Variants in FAM228B observed in about 807,000 individuals in gnomAD.
FAM228B encodes family with sequence similarity 228 member B.
A neutral mutation model predicts 42.6 loss-of-function variants in FAM228B; 38 were observed. That is an observed-to-expected ratio of 0.89 (90% CI 0.69 to 1.17). FAM228B has a LOEUF of 1.17. FAM228B is among the 50% of genes most tolerant of loss of function. The pLI, the probability that FAM228B is intolerant of heterozygous loss-of-function variation, is 0.00. For missense variants in FAM228B, 344 were observed against 367.3 expected (o/e 0.94, Z 0.52); for synonymous variants, 109 against 122.3 (o/e 0.89, Z 0.72).
At chr2:24,146,546 G>A (rs924479414) in intron 5 of FAM228B, among the ~76,000 whole-genome samples, 11 of 152,224 alleles carry the variant, frequency 7.2e-5, no homozygotes, top group African/African-American at 2.4e-4. Flanking sequence ...TTTGACTGGA[G>A]GGCCTTTAAG....
intron 4 of FAM228B, 90 bp downstream of exon 4, chr2:24,138,190 G>C (rs1252012629): frequency 2.0e-6 from 2 of 990,022 alleles, no homozygotes; most frequent in Non-Finnish European, 3.0e-6. Context: ...GTCTGTCCCT[G>C]TCCCCTCTAC....
In FAM228B at chr2:24,143,227, C is replaced by A. The variant is rs1666798626; in HGVS notation, c.442-3521C>A. On this transcript the variant is annotated intron_variant, in intron 5 of 10. Transcript: ENST00000615575. ...ACAGAGTCTCGCTCTGTCACCCAGG[C>A]TGGAGTGCAGTGGCCCAATCTCGGC... is the stretch of plus-strand genomic sequence containing the variant. Among the ~76,000 whole-genome samples the A allele has an allele frequency of 2.0e-5, 3 of 152,208 alleles. No homozygotes were observed. In the South Asian group the frequency reaches 6.2e-4, roughly 32 times the overall value.
intron 9 of FAM228B, chr2:24,166,633 T>C (rs1266276670): frequency 6.7e-6 from 1 of 149,512 alleles, no homozygotes; most frequent in Non-Finnish European, 1.5e-5. Flanking sequence ...GATGGGGAAA[T>C]AGACAGTAGT....
chr2:24,118,790 T>C (rs535836869), upstream of FAM228B, among the ~76,000 whole-genome samples: 10 of 152,334 alleles, frequency 6.6e-5, no homozygotes, highest in Non-Finnish European at 1.3e-4. Context: ...TTATCTAGGA[T>C]AGTGCAGGGC....
In FAM228B at chr2:24,111,456, A is replaced by C. The variant is rs868618323; in HGVS notation, c.-121+16227A>C. ...CAGGCTTGAGAGCCATTCTTTGCATATCTCTGCTCCTGTCCATTCTGTTTT... is the reference window on the plus strand; with the variant it reads ...CAGGCTTGAGAGCCATTCTTTGCATCTCTCTGCTCCTGTCCATTCTGTTTT... On this transcript the variant is annotated intron_variant, in intron 3 of 10. Coordinates refer to the FAM228B transcript ENST00000613899. 9.2e-5 allele frequency among the ~76,000 whole-genome samples: 14 copies of C among 152,244 alleles called. No individual in the cohort carries two copies. The Middle Eastern group carries it at 0.01, about 111-fold the overall frequency.
At chr2:24,093,513 G>A (rs924201750) in intron 2 of FAM228B, among the ~76,000 whole-genome samples, 1 of 152,064 alleles carries the variant, frequency 6.6e-6, no homozygotes, top group Non-Finnish European at 1.5e-5. Flanking sequence ...AGTATTCCAT[G>A]GTGTATATGT....
intron 8 of FAM228B, among the ~76,000 whole-genome samples, chr2:24,162,920 G>A (rs1667317533): frequency 6.6e-6 from 1 of 152,102 alleles, no homozygotes; most frequent in South Asian, 2.1e-4. Flanking sequence ...GGCTGGGGAT[G>A]GGAGTGGAGA....
At chr2:24,109,244 A>G (rs1665750752) in intron 3 of FAM228B, among the ~76,000 whole-genome samples, 1 of 152,032 alleles carries the variant, frequency 6.6e-6, no homozygotes, top group Non-Finnish European at 1.5e-5. Context: ...GGCTAGCCAC[A>G]TGCAGAAGAT....
intron 8 of FAM228B, among the ~76,000 whole-genome samples, chr2:24,162,328 A>G (rs1346662264): frequency 6.6e-6 from 1 of 152,196 alleles, no homozygotes; most frequent in Non-Finnish European, 1.5e-5. Flanking sequence ...GTAAACAGAG[A>G]ATGGTACATA....
intron 2 of FAM228B, among the ~76,000 whole-genome samples, chr2:24,127,305 C>T (rs909075980): frequency 1.3e-5 from 2 of 152,196 alleles, no homozygotes; most frequent in African/African-American, 2.4e-5. Flanking sequence ...AAATAATATT[C>T]CATTGTCTCA....
Position 24,095,474 on chromosome 2 carries a change from G to A in FAM228B, c.-121+245G>A, listed in dbSNP as rs898484157. The stretch of plus-strand genomic sequence containing the variant: ...GATTCTCTCCCATGCCTGGCTCGGC[G>A]GGTTCCACACCCACGGAGCCTTGCT... On this transcript the variant is annotated intron_variant, in intron 3 of 10. Coordinates refer to the FAM228B transcript ENST00000613899. This position sits in a 1 kb window ranked among gnomAD's most constrained non-coding sequence, Gnocchi z 4.8. 5.3e-5 allele frequency: 8 copies of A among 152,292 alleles called. No homozygotes were observed. The highest frequency in any genetic ancestry group is 2.1e-4 in the South Asian group (1 of 4,830). 9.4% of individuals were successfully genotyped at this position (152,292 alleles called of 1,614,324 possible). A position where few individuals can be genotyped will look rare whatever the true frequency, so the allele number is the denominator to read the frequency against.
In FAM228B at chr2:24,080,897, C is replaced by T. The variant is rs1390969605; in HGVS notation, c.-268C>T. On this transcript the variant is annotated 5_prime_UTR_variant, in exon 2 of 11. Transcript: ENST00000613899. This position sits in a 1 kb window ranked among gnomAD's most constrained non-coding sequence, Gnocchi z 4.7. ...CCAGCAGCTGCTCCAAGCTTTTCTG[C>T]CATTTGAAGCTTCTTCTGGGAGCCA... The T allele has an allele frequency of 6.2e-7, 1 of 1,614,090 alleles. No homozygotes were observed. Among genetic ancestry groups the T allele is most frequent in the Non-Finnish European group, 8.5e-7 (1 of 1,180,058 alleles).
At position 24,137,938 on chromosome 2, in the gene FAM228B, C is replaced by T; in HGVS notation, c.198C>T (p.Ala66=). The T allele has an allele frequency of 6.5e-7, 1 of 1,538,254 alleles. No homozygotes were observed. The highest frequency in any genetic ancestry group is 8.7e-7 in the Non-Finnish European group (1 of 1,143,604). The part of the protein sequence containing the change: ...KELDKYLQHH[A]FLNARRKEML... The stretch of plus-strand genomic sequence containing the variant: ...TAGATAAGTATTTACAACATCATGC[C>T]TTCTTAAATGCAAGAAGAAAGGAGA... Residue 66 remains alanine (A), a synonymous_variant, in exon 4 of 11, where the codon GCC becomes GCT. Transcript: ENST00000615575.
intron 7 of FAM228B, among the ~76,000 whole-genome samples, chr2:24,161,165 G>A (rs886808449): frequency 2.0e-5 from 3 of 152,074 alleles, no homozygotes; most frequent in East Asian, 1.9e-4. Context: ...TTCTCATACC[G>A]CCAGGCGTGG....
At chr2:24,166,054 A>AAAATAT (rs56146407) in intron 9 of FAM228B, 5 of 81,046 alleles carry the variant, frequency 6.2e-5, no homozygotes, top group African/African-American at 1.6e-4. Context: ...AAAAAAAAAA[A>AAAATAT]ATATATATAT....
At chr2:24,153,281 C>T (rs940580634) in intron 7 of FAM228B, among the ~76,000 whole-genome samples, 1 of 152,186 alleles carries the variant, frequency 6.6e-6, no homozygotes, top group African/African-American at 2.4e-5. Flanking sequence ...ACCATAGCCA[C>T]CACAGCTAGG....
chr2:24,084,339 CACAGG>C lies in FAM228B; in HGVS notation c.-210+3385_-210+3389del. ...GCACGGCTAACATATTGTCTGAGGA[CACAGG>C]GCAGGGCAGGGCAGGACAGGACAGG... is the stretch of plus-strand genomic sequence containing the variant. On this transcript the variant is annotated intron_variant, in intron 2 of 10. Coordinates refer to the FAM228B transcript ENST00000613899. This position sits in a 1 kb window ranked among gnomAD's most constrained non-coding sequence, Gnocchi z 8.4. 2.5e-6 allele frequency: 4 copies of C among 1,603,964 alleles called. No individual in the cohort carries two copies. The highest frequency in any genetic ancestry group is 3.4e-6 in the Non-Finnish European group (4 of 1,175,138).
upstream of FAM228B, among the ~76,000 whole-genome samples, chr2:24,118,749 G>A (rs1228378013): frequency 1.3e-5 from 2 of 152,154 alleles, no homozygotes; most frequent in Non-Finnish European, 2.9e-5. Flanking sequence ...GAAGGCAGAA[G>A]CTATATCTTA....
intron 5 of FAM228B, among the ~76,000 whole-genome samples, chr2:24,145,134 A>G (rs964018496): frequency 2.6e-5 from 4 of 152,132 alleles, no homozygotes. Context: ...GACCGCAGCC[A>G]CTGCATGCAC....
Sources: allele counts gnomAD v4.1 joint callset (sites outside exome capture counted in the v4.1 genomes callset), GRCh38; gene constraint gnomAD v4.1.1; non-coding constraint Gnocchi (gnomAD v3.1); transcripts MANE v1.5; gene names NCBI Gene and HGNC (gene_info 2026-07-23, HGNC 2026-07-21).